Variants in SPAG16 observed in about 807,000 individuals in gnomAD.
The protein encoded by SPAG16 is sperm-associated antigen 16 protein.
A neutral mutation model predicts 80.4 loss-of-function variants in SPAG16; 86 were observed. The observed-to-expected ratio is 1.07, with a 90% CI of 0.90 to 1.28. The LOEUF (loss-of-function observed/expected upper bound fraction) is 1.28, where lower values mean the gene tolerates loss of function less well. Ranked by LOEUF, SPAG16 falls within the 50% of genes most tolerant of loss-of-function variation. SPAG16 has a pLI of 0.00. For synonymous variants in SPAG16, 294 were observed against 265.9 expected, an observed-to-expected ratio of 1.11 and a Z score of -1.03; for missense variants, 870 against 765.3, an observed-to-expected ratio of 1.14 and a Z score of -1.61.
At chr2:213,460,471 T>C (rs1176970631) in intron 9 of SPAG16, among the ~76,000 whole-genome samples, 1 of 152,210 alleles carries the variant, frequency 6.6e-6, no homozygotes, top group Non-Finnish European at 1.5e-5. Flanking sequence ...GTGCTTTACT[T>C]CTTTTCATGT....
chr2:213,985,463 T>A (rs558065967), intron 12 of SPAG16, among the ~76,000 whole-genome samples: 14 of 152,074 alleles, frequency 9.2e-5, no homozygotes, highest in Non-Finnish European at 1.6e-4. Flanking sequence ...TACTGACAAA[T>A]CTATTTGCAA....
At chr2:213,838,689 C>A (rs2074223291) in intron 10 of SPAG16, among the ~76,000 whole-genome samples, 1 of 152,146 alleles carries the variant, frequency 6.6e-6, no homozygotes, top group Non-Finnish European at 1.5e-5. Flanking sequence ...ACAGAGAAGA[C>A]TGAGGAAAGC....
intron 8 of SPAG16, 97 bp from the exon 9 acceptor site, chr2:213,374,913 A>G (rs2066810186): frequency 3.9e-6 from 3 of 760,660 alleles, no homozygotes; most frequent in Admixed American, 6.3e-5. Context: ...TTAAAAATAC[A>G]TGCATCATTG....
intron 15 of SPAG16, among the ~76,000 whole-genome samples, chr2:214,185,639 G>C (rs1301629221): frequency 1.3e-5 from 2 of 152,034 alleles, no homozygotes; most frequent in African/African-American, 2.4e-5. Flanking sequence ...ACATAAACTG[G>C]AGTGATGTGA....
chr2:213,652,640 T>TAA (rs1211075854), intron 10 of SPAG16, among the ~76,000 whole-genome samples: 1 of 152,204 alleles, frequency 6.6e-6, no homozygotes, highest in Non-Finnish European at 1.5e-5. Context: ...TTCGTAAAGC[T>TAA]AATTATATCA....
At chr2:213,629,402 A>C (rs1432946479) in intron 10 of SPAG16, among the ~76,000 whole-genome samples, 2 of 152,338 alleles carry the variant, frequency 1.3e-5, no homozygotes, top group East Asian at 3.9e-4. Context: ...TAATAGTGAA[A>C]TTCAATATAT....
In SPAG16 at chr2:214,042,109, A is replaced by C. The variant is rs1173727112; in HGVS notation, c.1527+28032A>C. 2.7e-5 allele frequency among the ~76,000 whole-genome samples: 4 copies of C among 148,864 alleles called. No homozygotes were observed. In the South Asian group the frequency reaches 8.5e-4, roughly 32 times the overall value. On this transcript the variant is annotated intron_variant, in intron 13 of 15. Transcript: ENST00000331683. ...TTTCTTTTTCTTTTTTTTTTGAGAC[A>C]GAGTCTCTCTCTGTTGCCCAGACTG...
intron 10 of SPAG16, among the ~76,000 whole-genome samples, chr2:213,674,656 T>C (rs13428969): frequency 0.014 from 2,049 of 149,866 alleles, 224 homozygotes; most frequent in African/African-American, 0.049. Context: ...GTCCTTGCGA[T>C]AGTTTACTGA....
In SPAG16 at chr2:213,292,663, C is replaced by CAA. The variant is rs1248465249; in HGVS notation, c.137-3390_137-3389dup. On this transcript the variant is annotated intron_variant, in intron 1 of 15. Transcript: ENST00000331683. ...TGGGCGACAGAGCGAGACTCCGTCT[C>CAA]AAAAAAAAAAAACAAAAAAAACAAA... is the stretch of plus-strand genomic sequence containing the variant. Among the ~76,000 whole-genome samples, 37 of 76,360 alleles carry CAA rather than the reference C, an allele frequency of 4.8e-4. 2 individuals carry two copies. Among genetic ancestry groups the CAA allele is most frequent in the African/African-American group, 1.4e-3 (21 of 14,498 alleles). 50.1% of individuals were successfully genotyped at this position (76,360 alleles called of 152,430 possible). A position where few individuals can be genotyped will look rare whatever the true frequency, so the allele number is the denominator to read the frequency against.
intron 9 of SPAG16, among the ~76,000 whole-genome samples, chr2:213,488,982 C>T (rs528276172): frequency 2.7e-5 from 4 of 147,360 alleles, no homozygotes; most frequent in South Asian, 4.4e-4. Flanking sequence ...GGCTGAGGCA[C>T]GGGAATCGCC....
chr2:213,429,846 C>A (rs2070180662), intron 9 of SPAG16, among the ~76,000 whole-genome samples: 2 of 151,968 alleles, frequency 1.3e-5, no homozygotes, highest in Admixed American at 1.3e-4. Context: ...AAAGTCCTGC[C>A]CCCAAGAAAA....
chr2:214,108,439 T>TCACACACACACACACA (rs71037342), intron 14 of SPAG16, among the ~76,000 whole-genome samples, 178 bp downstream of exon 14: 12 of 125,028 alleles, frequency 9.6e-5, no homozygotes, highest in South Asian at 2.7e-4. Context: ...ATTTTAAAAT[T>TCACACACACACACACA]CACACACACA....
chr2:214,273,546 T>G (rs184300909), intron 15 of SPAG16, among the ~76,000 whole-genome samples: 316 of 152,136 alleles, frequency 2.1e-3, no homozygotes, highest in Middle Eastern at 0.014. Flanking sequence ...TATTAAATAG[T>G]GAATCCTTTC....
intron 12 of SPAG16, among the ~76,000 whole-genome samples, chr2:214,006,803 C>A (rs143212605): frequency 6.6e-6 from 1 of 152,330 alleles, no homozygotes; most frequent in African/African-American, 2.4e-5. Flanking sequence ...GGATGCCCCA[C>A]ACCTTAAGCC....
chr2:213,915,194 T>C (rs1485879658), intron 11 of SPAG16, among the ~76,000 whole-genome samples: 1 of 151,890 alleles, frequency 6.6e-6, no homozygotes, highest in African/African-American at 2.4e-5. Flanking sequence ...GTTTATTACA[T>C]AGGTATACAT....
chr2:213,414,369 C>T (rs2069140127), intron 9 of SPAG16, among the ~76,000 whole-genome samples: 1 of 151,950 alleles, frequency 6.6e-6, no homozygotes, highest in East Asian at 1.9e-4. Flanking sequence ...AGATTAGTTC[C>T]TTAATTAATT....
intron 15 of SPAG16, among the ~76,000 whole-genome samples, chr2:214,253,496 GGGTCCA>G (rs1690453236): frequency 6.6e-6 from 1 of 152,056 alleles, no homozygotes. Flanking sequence ...TGTAAGAAAC[GGGTCCA>G]GTTTCATTTT....
At chr2:214,315,421 A>C (rs562835303) in intron 15 of SPAG16, among the ~76,000 whole-genome samples, 36 of 152,298 alleles carry the variant, frequency 2.4e-4, no homozygotes, top group African/African-American at 8.2e-4. Context: ...GAGAAATTTC[A>C]TCTTGAATAT....
chr2:213,926,581 T>C (rs1226721124), intron 11 of SPAG16, among the ~76,000 whole-genome samples: 1 of 152,134 alleles, frequency 6.6e-6, no homozygotes, highest in African/African-American at 2.4e-5. Flanking sequence ...ATCCATTGAT[T>C]TCTTAATTTC....
Sources: gnomAD v4.1 joint callset for allele counts (sites outside exome capture counted in the v4.1 genomes callset) on GRCh38, gnomAD v4.1.1 for gene constraint, MANE v1.5 for transcripts, NCBI Gene and HGNC (gene_info 2026-07-23, HGNC 2026-07-21) for gene names.